Variants in SFI1 observed in about 807,000 individuals in gnomAD.
SFI1 encodes the protein SFI1 centrin binding protein.
SFI1 carries 195 observed loss-of-function variants against 207.5 expected under a neutral mutation model. The observed-to-expected ratio is 0.94, with a 90% CI of 0.84 to 1.06. SFI1 has a LOEUF of 1.06. Among genes scored for constraint, SFI1 ranks in the 50% least tolerant of loss-of-function variants. The pLI is 0.00. For missense variants in SFI1, 1,634 were observed against 1,588.0 expected, an observed-to-expected ratio of 1.03 and a Z score of -0.49; for synonymous variants, 630 against 598.9, an observed-to-expected ratio of 1.05 and a Z score of -0.76.
intron 2 of SFI1, among the ~76,000 whole-genome samples, chr22:31,527,335 C>T (rs1420709462): frequency 6.6e-6 from 1 of 152,166 alleles, no homozygotes; most frequent in Non-Finnish European, 1.5e-5. Context: ...TAAACATATT[C>T]ATTTTAGCAT....
At chr22:31,607,115 C>T (rs1253238088) in intron 21 of SFI1, among the ~76,000 whole-genome samples, 1 of 151,984 alleles carries the variant, frequency 6.6e-6, no homozygotes, top group Non-Finnish European at 1.5e-5. Flanking sequence ...CCTCCCTTCC[C>T]CTGGAAGAAG....
intron 14 of SFI1, among the ~76,000 whole-genome samples, chr22:31,585,722 A>G (rs2064947931): frequency 6.6e-6 from 1 of 152,138 alleles, no homozygotes; most frequent in Non-Finnish European, 1.5e-5. Context: ...AGGGTGACAA[A>G]TGAGTGTGAC....
chr22:31,541,179 G>T (rs146427626), intron 4 of SFI1, among the ~76,000 whole-genome samples: 2,228 of 152,150 alleles, frequency 0.015, 18 homozygotes, highest in South Asian at 0.027. Context: ...CCTTTCTGGG[G>T]CCTGTGCCAC....
chr22:31,559,790 G>A (rs1314644877), intron 7 of SFI1: 2 of 727,486 alleles, frequency 2.7e-6, no homozygotes, highest in Non-Finnish European at 2.5e-6. Flanking sequence ...CAGTGGTCTG[G>A]ACAAGAAGCT....
intron 6 of SFI1, among the ~76,000 whole-genome samples, chr22:31,551,501 G>A (rs146305122): frequency 2.2e-4 from 34 of 152,208 alleles, no homozygotes; most frequent in African/African-American, 6.5e-4. Flanking sequence ...AGTAACTTAC[G>A]CTGTTTGTTG....
Position 31,604,388 on chromosome 22 carries a change from C to T in SFI1, c.1961C>T (p.Ala654Val), listed in dbSNP as rs763555843. 1.8e-5 allele frequency: 28 copies of T among 1,550,880 alleles called. No individual in the cohort carries two copies. The highest frequency in any genetic ancestry group is 1.3e-4 in the South Asian group (11 of 83,854). ...LHHQHSVLHRALQAWVTYQGR... is the reference protein window; with the variant it reads ...LHHQHSVLHRVLQAWVTYQGR... ...CACCAGCACAGCGTGCTGCACAGGG[C>T]GCTGCAGGCATGGGTGGTAGGAACT... The change falls in exon 19 of 33, where the codon GCG becomes GTG. Residue 654 changes from alanine to valine, a missense_variant. Transcript: ENST00000400288.
At chr22:31,520,488 C>T (rs905673148) in intron 2 of SFI1, among the ~76,000 whole-genome samples, 5 of 152,200 alleles carry the variant, frequency 3.3e-5, no homozygotes, top group African/African-American at 9.6e-5. Context: ...AATTCACATA[C>T]TACACAATTC....
At chr22:31,527,733 G>C (rs890439995) in intron 2 of SFI1, among the ~76,000 whole-genome samples, 2 of 152,148 alleles carry the variant, frequency 1.3e-5, no homozygotes, top group Admixed American at 1.3e-4. Context: ...CCACCCCTTT[G>C]GGGGGTTGAG....
chr22:31,530,171 CAAAAAAAAAAAAAAAAAAA>C (rs1162482504), intron 3 of SFI1, among the ~76,000 whole-genome samples: 5 of 12,106 alleles, frequency 4.1e-4, no homozygotes, highest in South Asian at 7.6e-3. Flanking sequence ...GACTCCATCT[CAAAAAAAAAAAAAAAAAAA>C]AAAAAAAAAA....
At chr22:31,519,869 C>T (rs1267959938) in intron 2 of SFI1, among the ~76,000 whole-genome samples, 2 of 151,990 alleles carry the variant, frequency 1.3e-5, no homozygotes, top group African/African-American at 4.8e-5. Flanking sequence ...ACTGCCTGGC[C>T]AAAAGTTTTT....
rs1206107404 is a variant in SFI1 at position 31,602,710 on chromosome 22, G to C, written c.1730G>C (p.Cys577Ser). The C allele has an allele frequency of 1.9e-6, 3 of 1,613,924 alleles. No individual in the cohort carries two copies. The highest frequency in any genetic ancestry group is 2.5e-6 in the Non-Finnish European group (3 of 1,180,058). Residue 577 changes from cysteine to serine, a missense_variant, in exon 17 of 33, where the codon TGT (cysteine) becomes TCT (serine). By Grantham distance (112) the Cys-to-Ser change is moderately radical. Coordinates refer to ENST00000400288, the MANE Select transcript of SFI1 (RefSeq NM_001007467.3). ...HQEQEWQTVA[C>S]AHHRHGRLKK... ...GAGCAGGAGTGGCAAACAGTGGCCT[G>C]TGCCCACCACCGCCACGGGCGGCTC...
chr22:31,572,926 A>G (rs2063101092), intron 8 of SFI1, 132 bp from the exon 9 acceptor site: 2 of 844,000 alleles, frequency 2.4e-6, no homozygotes, highest in South Asian at 3.5e-5. Context: ...TCATCCTGCT[A>G]GGGGATTGCC....
chr22:31,538,818 C>T (rs1425823391), intron 4 of SFI1, among the ~76,000 whole-genome samples: 1 of 152,080 alleles, frequency 6.6e-6, no homozygotes, highest in Non-Finnish European at 1.5e-5. Context: ...ATCCCAACAC[C>T]TAGTCTTTGC....
At chr22:31,544,764 G>T (rs2059915235) in intron 4 of SFI1, among the ~76,000 whole-genome samples, 2 of 151,868 alleles carry the variant, frequency 1.3e-5, no homozygotes, top group Non-Finnish European at 1.5e-5. Flanking sequence ...CCAAAAAAAA[G>T]TCAGATTTTT....
intron 6 of SFI1, among the ~76,000 whole-genome samples, chr22:31,553,103 A>G (rs1019094860): frequency 6.6e-6 from 1 of 152,078 alleles, no homozygotes; most frequent in Non-Finnish European, 1.5e-5. Flanking sequence ...TCAGCCTCCA[A>G]AAGTGCTAGG....
chr22:31,564,928 C>G (rs2062119834), intron 8 of SFI1, among the ~76,000 whole-genome samples: 1 of 150,024 alleles, frequency 6.7e-6, no homozygotes, highest in African/African-American at 2.5e-5. Flanking sequence ...ATTCTCCTGC[C>G]TCAGCCTCCC....
chr22:31,602,567 AC>A (rs1248159870), intron 16 of SFI1, 39 bp from the exon 17 acceptor site: 1 of 1,603,016 alleles, frequency 6.2e-7, no homozygotes, highest in Non-Finnish European at 8.5e-7. Context: ...CCTCTCTCCT[AC>A]TTGATTTATT....
intron 9 of SFI1, among the ~76,000 whole-genome samples, chr22:31,573,511 C>T (rs1445028052): frequency 6.6e-6 from 1 of 150,478 alleles, no homozygotes; most frequent in Non-Finnish European, 1.5e-5. Flanking sequence ...AATCTCGGCT[C>T]ACTGCAACCT....
chr22:31,528,572 A>T, intron 2 of SFI1, 118 bp from the exon 3 acceptor site: 1 of 877,472 alleles, frequency 1.1e-6, no homozygotes, highest in Non-Finnish European at 1.8e-6. Context: ...CTTGCAGCAT[A>T]GGTATTGTCA....
Sources: gnomAD v4.1 joint callset for allele counts (sites outside exome capture counted in the v4.1 genomes callset) on GRCh38, gnomAD v4.1.1 for gene constraint, MANE v1.5 for transcripts, NCBI Gene and HGNC (gene_info 2026-07-23, HGNC 2026-07-21) for gene names.